GRAMD1B: variants seen among roughly 807,000 people sequenced by gnomAD.
GRAMD1B encodes protein Aster-B.
GRAMD1B carries 37 observed loss-of-function variants against 99.7 expected under a neutral mutation model. The ratio of observed to expected loss-of-function variants is 0.37; its 90% CI spans 0.29 to 0.49. The LOEUF (loss-of-function observed/expected upper bound fraction) is 0.49. GRAMD1B is among the 20% of genes least tolerant of loss of function. The pLI is 0.98. For missense variants in GRAMD1B, 888 were observed against 1,009.2 expected (o/e 0.88, Z 1.63); for synonymous variants, 427 against 387.6 (o/e 1.10, Z -1.19).
intron 1 of GRAMD1B, among the ~76,000 whole-genome samples, chr11:123,434,067 T>C (rs1346263116): frequency 2.0e-5 from 3 of 151,608 alleles, no homozygotes; most frequent in African/African-American, 7.3e-5. Flanking sequence ...CCGTCTCTAC[T>C]AAAAATACAA....
chr11:123,463,525 G>A (rs1359141687), intron 1 of GRAMD1B, among the ~76,000 whole-genome samples: 1 of 152,222 alleles, frequency 6.6e-6, no homozygotes, highest in African/African-American at 2.4e-5. Flanking sequence ...CACTAAAGGA[G>A]GTGTTCTCTG....
At chr11:123,617,493 T>G (rs1201492438) in intron 17 of GRAMD1B, among the ~76,000 whole-genome samples, 1 of 152,180 alleles carries the variant, frequency 6.6e-6, no homozygotes, top group African/African-American at 2.4e-5. Flanking sequence ...CCAGCCTATC[T>G]TCTCATTTTT....
chr11:123,404,639 C>T (rs1005304433), intron 1 of GRAMD1B, among the ~76,000 whole-genome samples: 1 of 152,242 alleles, frequency 6.6e-6, no homozygotes, highest in Non-Finnish European at 1.5e-5. Context: ...TCATTCTAAT[C>T]TTCTCCTTTT....
chr11:123,543,138 G>T (rs898633095), intron 2 of GRAMD1B, among the ~76,000 whole-genome samples: 3 of 152,036 alleles, frequency 2.0e-5, no homozygotes, highest in African/African-American at 7.3e-5. Flanking sequence ...CTTCTGGGTG[G>T]GAAGACACCA....
intron 2 of GRAMD1B, among the ~76,000 whole-genome samples, chr11:123,511,221 G>A (rs1940976118): frequency 6.6e-6 from 1 of 152,146 alleles, no homozygotes; most frequent in Non-Finnish European, 1.5e-5. Flanking sequence ...GGTGCGGGCT[G>A]GACAGTCTTA....
intron 2 of GRAMD1B, among the ~76,000 whole-genome samples, chr11:123,556,466 T>A (rs919211432): frequency 1.3e-5 from 2 of 152,228 alleles, no homozygotes; most frequent in African/African-American, 4.8e-5. Flanking sequence ...TGATCAGGTC[T>A]GGGTTGAATG....
intron 2 of GRAMD1B, among the ~76,000 whole-genome samples, chr11:123,527,216 G>C (rs999075580): frequency 6.6e-6 from 1 of 152,168 alleles, no homozygotes; most frequent in African/African-American, 2.4e-5. Context: ...CTGAGTGAAA[G>C]GTTGATTTTC....
At chr11:123,436,537 G>A (rs1027414650) in intron 1 of GRAMD1B, among the ~76,000 whole-genome samples, 1 of 152,190 alleles carries the variant, frequency 6.6e-6, no homozygotes, top group Admixed American at 6.5e-5. Context: ...TATGCAGAGC[G>A]CTTCCTAGGC....
At chr11:123,599,207 A>G in intron 7 of GRAMD1B, 4 of 765,232 alleles carry the variant, frequency 5.2e-6, no homozygotes, top group Non-Finnish European at 9.7e-6. Flanking sequence ...TACAGAAATC[A>G]GAAAATTCCT....
At position 123,610,378 on chromosome 11, in the gene GRAMD1B, C is replaced by T. The variant is rs1466071579; in HGVS notation, c.1919+40C>T. On this transcript the variant is annotated intron_variant, in intron 14 of 19. Transcript: ENST00000635736. This position sits in a 1 kb window ranked among gnomAD's most constrained non-coding sequence, Gnocchi z 4.1. Reference sequence around the variant, plus strand: ...AGTCCCAGTGCGGTCAGACGGGGGTCCTTACCTTAGAGAACATTCATTTGC... The same window carrying T: ...AGTCCCAGTGCGGTCAGACGGGGGTTCTTACCTTAGAGAACATTCATTTGC... 6.2e-7 allele frequency: 1 copy of T among 1,604,148 alleles called. No individual in the cohort carries two copies. The highest frequency in any genetic ancestry group is 1.1e-5 in the South Asian group (1 of 90,816).
chr11:123,509,059 T>A (rs1403344100), intron 2 of GRAMD1B, among the ~76,000 whole-genome samples: 1 of 152,128 alleles, frequency 6.6e-6, no homozygotes, highest in East Asian at 1.9e-4. Flanking sequence ...GTCTTGGGGC[T>A]GGATTGGGAG....
At chr11:123,472,942 A>G (rs1430988122) in intron 1 of GRAMD1B, among the ~76,000 whole-genome samples, 1 of 152,206 alleles carries the variant, frequency 6.6e-6, no homozygotes, top group South Asian at 2.1e-4. Context: ...TTGCTTGTCT[A>G]TGTCTGCAGC....
intron 2 of GRAMD1B, among the ~76,000 whole-genome samples, chr11:123,520,910 GTGACTGATTTATGCATT>G (rs1942149371): frequency 6.6e-6 from 1 of 152,140 alleles, no homozygotes; most frequent in Non-Finnish European, 1.5e-5. Context: ...TCCATTGCAT[GTGACTGATTTATGCATT>G]TTCAATGCTG....
At chr11:123,608,594 A>C in intron 11 of GRAMD1B, 65 bp from the exon 12 acceptor site, 1 of 1,554,456 alleles carries the variant, frequency 6.4e-7, no homozygotes, top group Non-Finnish European at 8.7e-7. Context: ...CTCTTGGAGG[A>C]TGTCCCTGGG....
chr11:123,424,678 A>G (rs1365964284), intron 1 of GRAMD1B, among the ~76,000 whole-genome samples: 1 of 152,194 alleles, frequency 6.6e-6, no homozygotes, highest in Admixed American at 6.5e-5. Context: ...GACTTGAAGT[A>G]TTAACTTAAA....
At chr11:123,413,622 T>C (rs1324168250) in intron 1 of GRAMD1B, among the ~76,000 whole-genome samples, 1 of 152,066 alleles carries the variant, frequency 6.6e-6, no homozygotes, top group East Asian at 1.9e-4. Flanking sequence ...GCAGGATACA[T>C]GAGGTACCTT....
chr11:123,541,538 ATT>A (rs796079422), intron 2 of GRAMD1B, among the ~76,000 whole-genome samples: 18 of 143,242 alleles, frequency 1.3e-4, no homozygotes, highest in African/African-American at 4.8e-4. Context: ...CTGTGAATTG[ATT>A]TTTTTTTTTT....
intron 1 of GRAMD1B, among the ~76,000 whole-genome samples, chr11:123,438,937 A>G (rs1949284958): frequency 6.6e-6 from 1 of 152,222 alleles, no homozygotes; most frequent in African/African-American, 2.4e-5. Flanking sequence ...ACCTGGGGCC[A>G]AGGCTGGCCC....
intron 2 of GRAMD1B, among the ~76,000 whole-genome samples, chr11:123,551,051 T>C (rs1945556025): frequency 6.6e-6 from 1 of 152,200 alleles, no homozygotes; most frequent in Non-Finnish European, 1.5e-5. Flanking sequence ...AGCAAAGCTA[T>C]AAGCAAGTGA....
Sources: allele counts gnomAD v4.1 joint callset (sites outside exome capture counted in the v4.1 genomes callset), GRCh38; gene constraint gnomAD v4.1.1; non-coding constraint Gnocchi (gnomAD v3.1); transcripts MANE v1.5; gene names NCBI Gene and HGNC (gene_info 2026-07-23, HGNC 2026-07-21).